Variants in PTPRJ observed in about 807,000 individuals in gnomAD.
PTPRJ encodes protein tyrosine phosphatase receptor type J.
A neutral mutation model predicts 141.3 loss-of-function variants in PTPRJ; 129 were observed. The ratio of observed to expected loss-of-function variants is 0.91; its 90% confidence interval spans 0.79 to 1.06. The LOEUF (loss-of-function observed/expected upper bound fraction) is 1.06, where lower values mean the gene tolerates loss of function less well. Among genes scored for constraint, PTPRJ ranks in the 50% least tolerant of loss-of-function variants. The probability of loss-of-function intolerance (pLI) is 0.00; values close to 1 mark genes in which losing one functional copy is unlikely to be tolerated. For synonymous variants in PTPRJ, 610 were observed against 640.5 expected (o/e 0.95, Z 0.72); for missense variants, 1,601 against 1,679.7 (o/e 0.95, Z 0.82).
At chr11:48,081,023 C>A (rs2134284918) in intron 1 of PTPRJ, among the ~76,000 whole-genome samples, 1 of 152,328 alleles carries the variant, frequency 6.6e-6, no homozygotes, top group East Asian at 1.9e-4. Context: ...GGTTAAAGAT[C>A]AAAACTCCTG....
At chr11:48,126,598 AG>A (rs1431410725) in intron 6 of PTPRJ, among the ~76,000 whole-genome samples, 1 of 151,972 alleles carries the variant, frequency 6.6e-6, no homozygotes, top group East Asian at 1.9e-4. Flanking sequence ...ACGTGGTTGA[AG>A]GGGTGAGGGC....
At chr11:47,998,987 T>A (rs1449976105) in intron 1 of PTPRJ, among the ~76,000 whole-genome samples, 1 of 152,228 alleles carries the variant, frequency 6.6e-6, no homozygotes, top group Admixed American at 6.5e-5. Flanking sequence ...CTGAGCTCAT[T>A]GCCATGCAAC....
intron 1 of PTPRJ, among the ~76,000 whole-genome samples, chr11:47,997,276 C>T (rs1854362780): frequency 6.6e-6 from 1 of 152,218 alleles, no homozygotes; most frequent in Non-Finnish European, 1.5e-5. Flanking sequence ...GTAATACTTG[C>T]TTTGAAGTAC....
chr11:48,108,121 T>C (rs1856343737), intron 1 of PTPRJ, among the ~76,000 whole-genome samples: 1 of 152,092 alleles, frequency 6.6e-6, no homozygotes. Context: ...TGGAAAACAA[T>C]GCTGGGGAGA....
At chr11:48,066,979 T>A (rs993579773) in intron 1 of PTPRJ, among the ~76,000 whole-genome samples, 1 of 152,188 alleles carries the variant, frequency 6.6e-6, no homozygotes, top group Non-Finnish European at 1.5e-5. Context: ...GATTAAATAA[T>A]GATTGTGGGT....
At chr11:47,999,847 T>C (rs1054697518) in intron 1 of PTPRJ, among the ~76,000 whole-genome samples, 2 of 147,054 alleles carry the variant, frequency 1.4e-5, no homozygotes, top group Non-Finnish European at 3.0e-5. Flanking sequence ...TCTTTTACTT[T>C]CATGCCGAGA....
At chr11:48,164,252 C>A in intron 23 of PTPRJ, 128 bp from the exon 24 acceptor site, 2 of 1,198,882 alleles carry the variant, frequency 1.7e-6, no homozygotes, top group Non-Finnish European at 2.3e-6. Flanking sequence ...CAAATGTGTA[C>A]TGATCCTGTG....
intron 21 of PTPRJ, among the ~76,000 whole-genome samples, chr11:48,159,161 G>GTGTGTGTGTGTA (rs60389100): frequency 0.047 from 6,185 of 130,560 alleles, 590 homozygotes; most frequent in East Asian, 0.2. Context: ...GTGTGTGTGT[G>GTGTGTGTGTGTA]GTCATTTGCC....
Position 48,144,729 on chromosome 11 carries a change from G to A in PTPRJ, c.2630G>A (p.Gly877Glu), listed in dbSNP as rs1337694862. The A allele has an allele frequency of 6.2e-7, 1 of 1,614,142 alleles. No individual in the cohort carries two copies. Among genetic ancestry groups the A allele is most frequent in the Non-Finnish European group, 8.5e-7 (1 of 1,180,002 alleles). Residue 877 changes from glycine to glutamate, a missense_variant, in exon 13 of 25, where the codon GGA becomes GAA. Transcript: ENST00000418331. ...TACACGTATGAGGATTTCAAAAAGG[G>A]AGCCTCAGATACTTATGTGACATAC... is the stretch of plus-strand genomic sequence containing the variant. The part of the protein sequence containing the change: ...LKYTYEDFKK[G>E]ASDTYVTYLI...
intron 19 of PTPRJ, 74 bp downstream of exon 19, chr11:48,153,960 G>A: frequency 1.9e-6 from 2 of 1,048,444 alleles, no homozygotes; most frequent in Non-Finnish European, 2.9e-6. Context: ...TAGAGGGGAG[G>A]GAATCAGTGA....
intron 8 of PTPRJ, among the ~76,000 whole-genome samples, chr11:48,135,087 T>C (rs944326316): frequency 6.6e-6 from 1 of 152,086 alleles, no homozygotes; most frequent in African/African-American, 2.4e-5. Flanking sequence ...TTCATGAACT[T>C]TTACAAACTG....
rs1295400469 is a variant in PTPRJ, at chr11:48,139,525, C to T, written c.2192C>T (p.Pro731Leu). ...GCCTCCTTCGACTGCGAAGTGGTCC[C>T]CAAAGAGCCAGCCCTGGTTCTCAAA... ...SMASFDCEVV[P>L]KEPALVLKWT... The change falls in exon 11 of 25, where the codon CCC becomes CTC. Residue 731 changes from proline to leucine, a missense_variant. By Grantham distance (98) the Pro-to-Leu change is moderately conservative. Coordinates refer to ENST00000418331, the MANE Select transcript of PTPRJ (RefSeq NM_002843.4). 6.2e-7 allele frequency: 1 copy of T among 1,614,066 alleles called. No individual in the cohort carries two copies. Among genetic ancestry groups the T allele is most frequent in the African/African-American group, 1.3e-5 (1 of 74,930 alleles).
intron 1 of PTPRJ, among the ~76,000 whole-genome samples, chr11:48,096,119 T>C (rs1050203281): frequency 6.6e-6 from 1 of 152,224 alleles, no homozygotes; most frequent in Non-Finnish European, 1.5e-5. Flanking sequence ...CATTGCCGTT[T>C]ACAGAATTTG....
chr11:48,138,887 C>T lies in PTPRJ; in HGVS notation c.2153-599C>T, dbSNP rs1300097108. 1.3e-5 allele frequency among the ~76,000 whole-genome samples: 2 copies of T among 152,210 alleles called. 1 individual carries two copies. Among genetic ancestry groups the T allele is most frequent in the Non-Finnish European group, 2.9e-5 (2 of 68,044 alleles). ...TGGTGGCTCACACCTATAATCCCAG[C>T]ACTTTGGGAGGCCAAGGTGGGTGGA... On this transcript the variant is annotated intron_variant, in intron 10 of 24. Coordinates refer to ENST00000418331, the MANE Select transcript of PTPRJ (RefSeq NM_002843.4).
At chr11:48,065,253 ATCTGCCTGCC>A (rs1170047310) in intron 1 of PTPRJ, among the ~76,000 whole-genome samples, 3 of 151,994 alleles carry the variant, frequency 2.0e-5, no homozygotes, top group Non-Finnish European at 4.4e-5. Context: ...ACCTCAGGTG[ATCTGCCTGCC>A]TCTGCCTCCC....
Position 48,144,676 on chromosome 11 carries a change from T to C in PTPRJ, c.2577T>C (p.Ala859=). Residue 859 remains alanine, a splice_region_variant and synonymous_variant, in exon 13 of 25, where the codon GCT becomes GCC. Transcript: ENST00000418331. ...AYAVILTTGE[A]GHPSADVLKY... ...TCTCCTTCTGTGTACCTTTCTTAGC[T>C]GGTCACCCTTCTGCAGATGTCCTGA... The C allele has an allele frequency of 5.0e-6, 8 of 1,612,674 alleles. No individual in the cohort carries two copies. The highest frequency in any genetic ancestry group is 6.8e-6 in the Non-Finnish European group (8 of 1,178,778).
At chr11:48,006,267 G>A (rs954970919) in intron 1 of PTPRJ, among the ~76,000 whole-genome samples, 2 of 152,138 alleles carry the variant, frequency 1.3e-5, no homozygotes, top group African/African-American at 4.8e-5. Context: ...TCTCTCAAGG[G>A]TGATTCGGGA....
At chr11:48,011,261 A>AT (rs1486291412) in intron 1 of PTPRJ, among the ~76,000 whole-genome samples, 1 of 152,106 alleles carries the variant, frequency 6.6e-6, no homozygotes, top group Non-Finnish European at 1.5e-5. Flanking sequence ...ATCCATCCAG[A>AT]TCAAGCCTGT....
chr11:47,988,248 G>A (rs539212513), intron 1 of PTPRJ, among the ~76,000 whole-genome samples: 4 of 152,132 alleles, frequency 2.6e-5, no homozygotes, highest in Non-Finnish European at 4.4e-5. Context: ...AGTATAGAGA[G>A]TATGTAAAAG....
Sources: gnomAD v4.1 joint callset for allele counts (sites outside exome capture counted in the v4.1 genomes callset) on GRCh38, gnomAD v4.1.1 for gene constraint, MANE v1.5 for transcripts, NCBI Gene and HGNC (gene_info 2026-07-23, HGNC 2026-07-21) for gene names.